Variants in TTC28 observed in about 807,000 individuals in gnomAD.
TTC28 encodes the protein tetratricopeptide repeat domain 28.
Under a neutral mutation model 198.0 loss-of-function variants are expected in TTC28, and 61 were observed. That is an observed-to-expected ratio of 0.31 (90% CI 0.25 to 0.38). The LOEUF is 0.38. Ranked by LOEUF, TTC28 falls within the 10% of genes least tolerant of loss-of-function variation. The pLI is 1.00. For missense variants in TTC28, 2,678 were observed against 3,164.0 expected (o/e 0.85, Z 3.69); for synonymous variants, 1,171 against 1,297.8 (o/e 0.90, Z 2.10).
intron 2 of TTC28, among the ~76,000 whole-genome samples, chr22:28,602,232 G>A (rs1177638203): frequency 2.0e-5 from 3 of 152,130 alleles, no homozygotes; most frequent in Non-Finnish European, 4.4e-5. Flanking sequence ...CAAATAAGTT[G>A]CCTGTAATGT....
chr22:28,192,044 G>C (rs561836752), intron 5 of TTC28, among the ~76,000 whole-genome samples: 2 of 152,224 alleles, frequency 1.3e-5, no homozygotes, highest in Non-Finnish European at 2.9e-5. Flanking sequence ...CCCCCCAGTA[G>C]GGGCAGACTG....
At chr22:28,111,518 C>T (rs1569145434) in intron 6 of TTC28, among the ~76,000 whole-genome samples, 1 of 151,516 alleles carries the variant, frequency 6.6e-6, no homozygotes, top group Non-Finnish European at 1.5e-5. Flanking sequence ...TCCAGGTTTC[C>T]TCAGAGGAAA....
At chr22:27,998,454 C>A in intron 16 of TTC28, 86 bp downstream of exon 16, 1 of 1,470,818 alleles carries the variant, frequency 6.8e-7, no homozygotes, top group Non-Finnish European at 9.0e-7. Context: ...CTCCCCTCCC[C>A]AACCCCACTG....
Position 28,163,239 on chromosome 22 carries a change from T to C in TTC28, c.1294A>G (p.Ile432Val), listed in dbSNP as rs556875075. ...ELAQELMEKA[I>V]EMRAYAGLGH... ...AGTCCAGCATAGGCCCGCATCTCAATAGCCTTCTCCATCAACTCCTGTGCC... is the reference window on the plus strand; with the variant it reads ...AGTCCAGCATAGGCCCGCATCTCAACAGCCTTCTCCATCAACTCCTGTGCC... The change falls in exon 6 of 23, where the codon ATT becomes GTT. Residue 432 changes from isoleucine to valine, a missense_variant. Ile to Val is a conservative substitution (Grantham distance 29). This residue lies in a region of TTC28 where 775 missense variants were observed against 845.9 expected (regional missense o/e 0.92). Transcript: ENST00000397906. The C allele has an allele frequency of 1.3e-5, 20 of 1,551,800 alleles. No individual in the cohort carries two copies. Among genetic ancestry groups the C allele is most frequent in the East Asian group, 7.3e-5 (3 of 40,910 alleles).
chr22:28,201,751 CAAAAA>C (rs34790960), intron 5 of TTC28, among the ~76,000 whole-genome samples: 1 of 81,004 alleles, frequency 1.2e-5, no homozygotes, highest in African/African-American at 5.0e-5. Flanking sequence ...TTACAGAAAG[CAAAAA>C]AAAAAAAAAA....
intron 2 of TTC28, among the ~76,000 whole-genome samples, chr22:28,557,488 G>A (rs543285108): frequency 1.6e-4 from 25 of 152,244 alleles, no homozygotes; most frequent in African/African-American, 5.3e-4. Context: ...CATTTTTCAT[G>A]TACAGACATT....
At chr22:28,015,364 C>G (rs1368140115) in intron 13 of TTC28, among the ~76,000 whole-genome samples, 1 of 140,152 alleles carries the variant, frequency 7.1e-6, no homozygotes, top group Admixed American at 7.6e-5. Context: ...ACTGGACAGA[C>G]AGTGATTTTT....
intron 2 of TTC28, among the ~76,000 whole-genome samples, chr22:28,458,698 G>C (rs899450618): frequency 1.3e-5 from 2 of 151,754 alleles, no homozygotes; most frequent in Admixed American, 1.3e-4. Context: ...TGGCTAACAC[G>C]GTGAAACCCC....
In TTC28 at chr22:28,238,465, G is replaced by T. The variant is rs534726350; in HGVS notation, c.933+57733C>A. 2.6e-5 allele frequency among the ~76,000 whole-genome samples: 4 copies of T among 152,214 alleles called. No individual in the cohort carries two copies. In the South Asian group the frequency reaches 8.3e-4, roughly 32 times the overall value. On this transcript the variant is annotated intron_variant, in intron 5 of 22. Coordinates refer to ENST00000397906, the MANE Select transcript of TTC28 (RefSeq NM_001145418.2). ...CCAGTTCTTTTATATTCTATCAAAT[G>T]TTCTCTTCTAAATCTTTGAAAATGT...
chr22:28,314,360 C>G (rs1288491761), intron 2 of TTC28, among the ~76,000 whole-genome samples: 1 of 152,178 alleles, frequency 6.6e-6, no homozygotes, highest in Non-Finnish European at 1.5e-5. Context: ...TTGGAAAAAA[C>G]TACTTTAAAG....
At chr22:28,336,835 G>T (rs987611054) in intron 2 of TTC28, among the ~76,000 whole-genome samples, 4 of 151,880 alleles carry the variant, frequency 2.6e-5, no homozygotes, top group Non-Finnish European at 4.4e-5. Flanking sequence ...GTGTCTCTAT[G>T]ACCTTCAGTT....
At chr22:28,623,494 C>CA (rs968182285) in intron 2 of TTC28, among the ~76,000 whole-genome samples, 8 of 151,748 alleles carry the variant, frequency 5.3e-5, no homozygotes, top group Non-Finnish European at 1.2e-4. Context: ...AATAACAAGA[C>CA]AAAAAAAGTC....
chr22:28,383,123 G>A (rs2046522068), intron 2 of TTC28, among the ~76,000 whole-genome samples: 1 of 152,086 alleles, frequency 6.6e-6, no homozygotes, highest in Admixed American at 6.6e-5. Context: ...CAAGAGATTG[G>A]ATGTAGACAG....
intron 5 of TTC28, among the ~76,000 whole-genome samples, chr22:28,194,217 A>C (rs1005950015): frequency 1.7e-4 from 26 of 152,312 alleles, no homozygotes; most frequent in African/African-American, 6.0e-4. Flanking sequence ...AGAAATAAAG[A>C]TGTTCTTTGA....
intron 3 of TTC28, 28 bp from the exon 4 acceptor site, chr22:28,297,880 A>G (rs966864637): frequency 1.3e-6 from 2 of 1,547,262 alleles, no homozygotes; most frequent in Non-Finnish European, 1.7e-6. Context: ...TAACAGCAAC[A>G]TAACAGGAGA....
chr22:28,252,693 A>G (rs1303547231), intron 5 of TTC28, among the ~76,000 whole-genome samples: 4 of 152,194 alleles, frequency 2.6e-5, no homozygotes, highest in Non-Finnish European at 5.9e-5. Context: ...ACCTGGCACC[A>G]TCTTCTGGCA....
At chr22:28,257,165 G>C (rs1453815900) in intron 5 of TTC28, among the ~76,000 whole-genome samples, 1 of 152,178 alleles carries the variant, frequency 6.6e-6, no homozygotes, top group East Asian at 1.9e-4. Flanking sequence ...ATGTAAGTAA[G>C]TACAGCTACT....
At chr22:28,199,530 C>CATATATATATATATATATATATATATAT (rs10689151) in intron 5 of TTC28, among the ~76,000 whole-genome samples, 7 of 138,960 alleles carry the variant, frequency 5.0e-5, no homozygotes, top group African/African-American at 1.6e-4. Flanking sequence ...AATACCTATA[C>CATATATATATATATATATATATATATAT]ATATATATAT....
chr22:28,560,195 T>C (rs997842723), intron 2 of TTC28, among the ~76,000 whole-genome samples: 3 of 152,208 alleles, frequency 2.0e-5, no homozygotes, highest in Non-Finnish European at 4.4e-5. Flanking sequence ...CTTGATGCTA[T>C]CTGGAAAACA....
Sources: gnomAD v4.1 joint callset for allele counts (sites outside exome capture counted in the v4.1 genomes callset) on GRCh38, gnomAD v4.1.1 for gene constraint, gnomAD v4.1.1 regional missense constraint, MANE v1.5 for transcripts, NCBI Gene and HGNC (gene_info 2026-07-23, HGNC 2026-07-21) for gene names.